Variants in PAQR5 observed in about 807,000 individuals in gnomAD.
PAQR5 encodes progestin and adipoQ receptor family member 5.
In PAQR5, 20 loss-of-function variants were observed where a neutral mutation model predicts 34.5. That is an observed-to-expected ratio of 0.58 (90% CI 0.41 to 0.84). PAQR5 has a LOEUF of 0.84. Ranked by LOEUF, PAQR5 falls within the 40% of genes least tolerant of loss-of-function variation. PAQR5 has a pLI of 0.00. For synonymous variants in PAQR5, 131 were observed against 155.6 expected, an observed-to-expected ratio of 0.84 and a Z score of 1.18; for missense variants, 378 against 412.7, an observed-to-expected ratio of 0.92 and a Z score of 0.73.
At chr15:69,346,537 T>G (rs12914550) in intron 2 of PAQR5, among the ~76,000 whole-genome samples, 1 of 150,760 alleles carries the variant, frequency 6.6e-6, no homozygotes, top group Non-Finnish European at 1.5e-5. Context: ...TGGGCTCAAG[T>G]GATCCTCTCA....
rs2140841741 is a variant in PAQR5, at chr15:69,360,080, G to C, written c.-1G>C. On this transcript the variant is annotated 5_prime_UTR_variant, in exon 3 of 9. Transcript: ENST00000395407. Reference sequence around the variant, plus strand: ...ACTGGCCTTGCCAATCCAGCTCCAAGATGCTGAGCCTGAAGCTCCCCAGGC... The same window carrying C: ...ACTGGCCTTGCCAATCCAGCTCCAACATGCTGAGCCTGAAGCTCCCCAGGC... 1.2e-6 allele frequency: 2 copies of C among 1,613,746 alleles called. No homozygotes were observed. The highest frequency in any genetic ancestry group is 1.7e-6 in the Non-Finnish European group (2 of 1,179,660).
At chr15:69,310,086 C>T (rs2053798317) in intron 1 of PAQR5, among the ~76,000 whole-genome samples, 1 of 151,586 alleles carries the variant, frequency 6.6e-6, no homozygotes, top group Admixed American at 6.6e-5. Context: ...ACAACAACAA[C>T]AACAAAAGAA....
chr15:69,303,525 T>C lies in PAQR5; in HGVS notation c.-277+4469T>C, dbSNP rs1278539727. ...TTCTCTCTTGGTGAAAATAGTGCCC[T>C]CTTCAGGCAGCCTTTTAAAATTCCC... On this transcript the variant is annotated intron_variant, in intron 1 of 8. Transcript: ENST00000395407. Among the ~76,000 whole-genome samples the C allele has an allele frequency of 2.6e-5, 4 of 151,076 alleles. No individual in the cohort carries two copies. In the East Asian group the frequency reaches 7.8e-4, roughly 29 times the overall value.
chr15:69,338,566 T>A (rs931642549), intron 2 of PAQR5, among the ~76,000 whole-genome samples: 2 of 152,180 alleles, frequency 1.3e-5, no homozygotes, highest in Admixed American at 1.3e-4. Context: ...CACCTTGGGG[T>A]TCACTCCCAT....
rs1197946239 is a variant in PAQR5 at position 69,405,119 on chromosome 15, A to C, written c.*1297A>C. The stretch of plus-strand genomic sequence containing the variant: ...CACTGAGCATTTTCTCATTTGTTGC[A>C]TTACTGATTAAAGTTCAGTATTTCA... On this transcript the variant is annotated 3_prime_UTR_variant, in exon 9 of 9. Coordinates refer to ENST00000395407, the MANE Select transcript of PAQR5 (RefSeq NM_017705.4). The C allele has an allele frequency of 7.5e-6, 3 of 397,570 alleles. No homozygotes were observed. The East Asian group carries it at 1.1e-4, about 14-fold the overall frequency. 24.6% of individuals were successfully genotyped at this position (397,570 alleles called of 1,614,324 possible).
intron 1 of PAQR5, among the ~76,000 whole-genome samples, chr15:69,300,652 T>TC (rs1261242271): frequency 8.0e-5 from 4 of 49,898 alleles, no homozygotes; most frequent in African/African-American, 2.5e-4. Flanking sequence ...TTTCTTTCTT[T>TC]TCTTTCTTTC....
At chr15:69,327,938 C>A (rs937783064) in intron 1 of PAQR5, among the ~76,000 whole-genome samples, 1 of 152,042 alleles carries the variant, frequency 6.6e-6, no homozygotes, top group Non-Finnish European at 1.5e-5. Flanking sequence ...GCCACCACAC[C>A]CGGCTAATTT....
At chr15:69,358,452 T>C (rs1338258658) in intron 2 of PAQR5, among the ~76,000 whole-genome samples, 1 of 152,106 alleles carries the variant, frequency 6.6e-6, no homozygotes, top group Non-Finnish European at 1.5e-5. Context: ...ACCCACTGGC[T>C]GGACACAGAC....
intron 1 of PAQR5, among the ~76,000 whole-genome samples, chr15:69,326,590 C>A (rs759064281): frequency 6.6e-6 from 1 of 152,178 alleles, no homozygotes; most frequent in Non-Finnish European, 1.5e-5. Flanking sequence ...GTGCCCGCCA[C>A]CACATCTGTC....
chr15:69,390,348 A>ATTTTTTTTTTTTT lies in PAQR5; in HGVS notation c.512+571_512+572insTTTTTTTTTTTTT, dbSNP rs67519047. Among the ~76,000 whole-genome samples, 2 of 124,898 alleles carry ATTTTTTTTTTTTT rather than the reference A, an allele frequency of 1.6e-5. 1 individual carries two copies. Among genetic ancestry groups the ATTTTTTTTTTTTT allele is most frequent in the Non-Finnish European group, 3.5e-5 (2 of 57,074 alleles). The allele number at this position is 124,898 out of a possible 152,430, so 81.9% of individuals were successfully genotyped here. A position where few individuals can be genotyped will look rare whatever the true frequency, so the allele number is the denominator to read the frequency against. ...TATTTATTTATTTATTTATTTATTT[A>ATTTTTTTTTTTTT]TTTATTTATTTATTTTTTTGAGACA... On this transcript the variant is annotated intron_variant, in intron 6 of 8. Transcript: ENST00000395407.
chr15:69,303,669 G>A (rs11634672), intron 1 of PAQR5, among the ~76,000 whole-genome samples: 70,144 of 151,780 alleles, frequency 0.46, 19,037 homozygotes, highest in Middle Eastern at 0.62. Context: ...CCAGGCAGCC[G>A]TGGGAGAAGG....
chr15:69,398,448 T>G lies in PAQR5; in HGVS notation c.609+884T>G, dbSNP rs1221623498. 2.6e-5 allele frequency among the ~76,000 whole-genome samples: 4 copies of G among 152,156 alleles called. No homozygotes were observed. In the East Asian group the frequency reaches 5.8e-4, roughly 22 times the overall value. ...CATCTGTACATAAGGGTACTAGGCC[T>G]CCTTTGTAGGGGAAAACAATGGATC... On this transcript the variant is annotated intron_variant, in intron 7 of 8. Coordinates refer to ENST00000395407, the MANE Select transcript of PAQR5 (RefSeq NM_017705.4).
chr15:69,380,815 C>T (rs566662609), intron 4 of PAQR5, among the ~76,000 whole-genome samples: 13 of 152,294 alleles, frequency 8.5e-5, no homozygotes, highest in East Asian at 3.9e-4. Flanking sequence ...AGCCGAGAGA[C>T]GGGGTGGCGT....
rs2056739060 is a variant in PAQR5, at chr15:69,405,395, A to T, written c.*1573A>T. 1 of 165,248 alleles carries T rather than the reference A, an allele frequency of 6.1e-6. No homozygotes were observed. Among genetic ancestry groups the T allele is most frequent in the African/African-American group, 2.4e-5 (1 of 42,036 alleles). The allele number at this position is 165,248 out of a possible 1,614,324, so 10.2% of individuals were successfully genotyped here. On this transcript the variant is annotated 3_prime_UTR_variant, in exon 9 of 9. Transcript: ENST00000395407. ...CAAGTAACAATTTATATTGGATGAG[A>T]GTGGTCAAGAAATATGATTTCGTTA...
chr15:69,307,216 G>A (rs536548315), intron 1 of PAQR5, among the ~76,000 whole-genome samples: 1 of 151,570 alleles, frequency 6.6e-6, no homozygotes, highest in East Asian at 1.9e-4. Context: ...TTTATCATTT[G>A]TTTCTGACAC....
Position 69,397,567 on chromosome 15 carries a change from A to G in PAQR5, c.609+3A>G. 11 of 1,582,426 alleles carry G rather than the reference A, an allele frequency of 7.0e-6. No homozygotes were observed. Among genetic ancestry groups the G allele is most frequent in the Non-Finnish European group, 8.7e-6 (10 of 1,151,052 alleles). ...ACTCCCTCCCCATCTTCTACAGGGT[A>G]AGGACTGGCTGCATCTCCTCTCTGC... is the stretch of plus-strand genomic sequence containing the variant. On this transcript the variant is annotated splice_donor_region_variant and intron_variant, in intron 7 of 8. Coordinates refer to ENST00000395407, the MANE Select transcript of PAQR5 (RefSeq NM_017705.4).
At chr15:69,316,023 C>T (rs12440273) in intron 1 of PAQR5, among the ~76,000 whole-genome samples, 6,542 of 152,180 alleles carry the variant, frequency 0.043, 284 homozygotes, top group East Asian at 0.15. Flanking sequence ...TGAGCTTGGG[C>T]TGCACGTTCT....
At chr15:69,322,160 TAAAAAAAA>T (rs34094930) in intron 1 of PAQR5, among the ~76,000 whole-genome samples, 1 of 120,862 alleles carries the variant, frequency 8.3e-6, no homozygotes, top group African/African-American at 3.2e-5. Flanking sequence ...ACCCCATTTC[TAAAAAAAA>T]AAAAAAAAAA....
At chr15:69,348,516 G>A (rs933533580) in intron 2 of PAQR5, among the ~76,000 whole-genome samples, 1 of 152,200 alleles carries the variant, frequency 6.6e-6, no homozygotes, top group African/African-American at 2.4e-5. Flanking sequence ...GAGGTGACCA[G>A]CATAGGTTTG....
Sources: gnomAD v4.1 joint callset for allele counts (sites outside exome capture counted in the v4.1 genomes callset) on GRCh38, gnomAD v4.1.1 for gene constraint, MANE v1.5 for transcripts, NCBI Gene and HGNC (gene_info 2026-07-23, HGNC 2026-07-21) for gene names.